Variants in ANKRD18B observed in about 807,000 individuals in gnomAD.
The protein encoded by ANKRD18B is ankyrin repeat domain 18B.
Under a neutral mutation model 111.8 loss-of-function variants are expected in ANKRD18B, and 75 were observed. The observed-to-expected ratio is 0.67, with a 90% confidence interval of 0.56 to 0.81. The LOEUF is 0.81. ANKRD18B is among the 40% of genes least tolerant of loss of function. ANKRD18B has a pLI of 0.00. For synonymous variants in ANKRD18B, 356 were observed against 417.3 expected, an observed-to-expected ratio of 0.85 and a Z score of 1.79; for missense variants, 1,038 against 1,225.5, an observed-to-expected ratio of 0.85 and a Z score of 2.28.
At chr9:33,540,755 G>A (rs1762518235) in intron 8 of ANKRD18B, among the ~76,000 whole-genome samples, 1 of 152,002 alleles carries the variant, frequency 6.6e-6, no homozygotes, top group South Asian at 2.1e-4. Context: ...AGGCCATGTG[G>A]TCTCTGTCGT....
intron 1 of ANKRD18B, among the ~76,000 whole-genome samples, chr9:33,525,194 A>G (rs542354706): frequency 1.4e-4 from 21 of 152,228 alleles, no homozygotes; most frequent in African/African-American, 5.1e-4. Flanking sequence ...TCAAGGTTTT[A>G]TCATTTTTGC....
At chr9:33,573,451 G>C (rs28714487), downstream of ANKRD18B, among the ~76,000 whole-genome samples, 2 of 140,858 alleles carry the variant, frequency 1.4e-5, no homozygotes, top group African/African-American at 2.6e-5. Flanking sequence ...GCAGCACAGG[G>C]TGTCTTGTCT....
In ANKRD18B at chr9:33,543,191, A is replaced by C; in HGVS notation, c.1085A>C (p.Asn362Thr). The part of the protein sequence containing the change: ...KKRKEGAKEH[N>T]LKVASEEKQE... Reference sequence around the variant, plus strand: ...CATATGGATTTGTCAGCAGAACACAACTTAAAAGTGGCTTCAGAGGAAAAG... The same window carrying C: ...CATATGGATTTGTCAGCAGAACACACCTTAAAAGTGGCTTCAGAGGAAAAG... The change falls in exon 10 of 19, where the codon AAC (asparagine) becomes ACC (threonine). Residue 362 changes from asparagine to threonine, a missense_variant. By Grantham distance (65) the Asn-to-Thr change is moderately conservative. Around this residue, in one of 4 missense-constraint regions of ANKRD18B, gnomAD observed 205 missense variants for 201.3 expected, o/e 1.02. Transcript: ENST00000684830. 1.9e-6 allele frequency: 3 copies of C among 1,552,106 alleles called. No homozygotes were observed. The highest frequency in any genetic ancestry group is 2.0e-5 in the Admixed American group (1 of 51,064).
At chr9:33,536,853 AT>A in intron 5 of ANKRD18B, 24 bp from the exon 6 acceptor site, 4 of 1,339,514 alleles carry the variant, frequency 3.0e-6, no homozygotes, top group South Asian at 2.9e-5. Flanking sequence ...TAAAATACTA[AT>A]TTTATTACAT....
At chr9:33,533,370 A>G in intron 3 of ANKRD18B, 69 bp from the exon 4 acceptor site, 2 of 1,502,126 alleles carry the variant, frequency 1.3e-6, no homozygotes, top group Non-Finnish European at 1.8e-6. Flanking sequence ...AGCATCTTAT[A>G]GAAGATTTTT....
In ANKRD18B at chr9:33,524,660, G is replaced by T. The variant is rs778635381; in HGVS notation, c.171G>T (p.Arg57Ser). ...AAEVEHCLTRRFRDLDVRDRK... is the reference protein window; with the variant it reads ...AAEVEHCLTRSFRDLDVRDRK... ...AGGTGGAGCACTGCCTGACGCGCAG[G>T]TTCCGGGACTTGGACGTCCGCGACA... is the stretch of plus-strand genomic sequence containing the variant. The change falls in exon 1 of 19, where the codon AGG becomes AGT. Residue 57 changes from arginine to serine, a missense_variant. Arg to Ser is a moderately radical substitution (Grantham distance 110). Transcript: ENST00000684830. The T allele has an allele frequency of 4.5e-6, 7 of 1,550,966 alleles. No individual in the cohort carries two copies. The African/African-American group carries it at 6.8e-5, about 15-fold the overall frequency.
chr9:33,554,972 C>T, intron 12 of ANKRD18B, among the ~76,000 whole-genome samples: 1 of 143,928 alleles, frequency 6.9e-6, no homozygotes, highest in East Asian at 2.0e-4. Flanking sequence ...CTAGGTTTTG[C>T]TCTAAAGAGC....
At position 33,567,282 on chromosome 9, in the gene ANKRD18B, A is replaced by G; in HGVS notation, c.2922A>G (p.Lys974=). 12 of 1,547,186 alleles carry G rather than the reference A, an allele frequency of 7.8e-6. No individual in the cohort carries two copies. Among genetic ancestry groups the G allele is most frequent in the Non-Finnish European group, 1.0e-5 (12 of 1,145,638 alleles). The change falls in exon 16 of 19, where the codon AAA becomes AAG. Residue 974 remains lysine, a synonymous_variant. Transcript: ENST00000684830. ...AGGAAGCCTTTGCAGTAGCATTGAA[A>G]GCTAACAGTTCCATGTCAGAAAAAA... ...EYKEAFAVAL[K]ANSSMSEKIT...
intron 14 of ANKRD18B, among the ~76,000 whole-genome samples, chr9:33,565,944 G>A (rs984261620): frequency 1.7e-4 from 26 of 152,032 alleles, no homozygotes; most frequent in Non-Finnish European, 3.5e-4. Flanking sequence ...CATTTAAGGA[G>A]GAACAAAAAT....
intron 10 of ANKRD18B, among the ~76,000 whole-genome samples, chr9:33,545,073 C>G (rs1828334471): frequency 6.6e-6 from 1 of 152,150 alleles, no homozygotes; most frequent in Non-Finnish European, 1.5e-5. Flanking sequence ...AGGAGCCCAT[C>G]TCACTCAGGT....
intron 9 of ANKRD18B, among the ~76,000 whole-genome samples, chr9:33,541,670 C>A (rs1401060646): frequency 6.6e-6 from 1 of 152,088 alleles, no homozygotes; most frequent in Non-Finnish European, 1.5e-5. Flanking sequence ...TATACTGTAG[C>A]CTGGGTGGCA....
At chr9:33,556,000 G>T (rs1215665255) in intron 13 of ANKRD18B, among the ~76,000 whole-genome samples, 180 bp downstream of exon 13, 1 of 152,014 alleles carries the variant, frequency 6.6e-6, no homozygotes, top group Admixed American at 6.6e-5. Flanking sequence ...GTGAGCAGGA[G>T]TCCATGACCC....
chr9:33,545,550 A>G (rs1326290756), intron 10 of ANKRD18B, among the ~76,000 whole-genome samples: 1 of 152,216 alleles, frequency 6.6e-6, no homozygotes, highest in Non-Finnish European at 1.5e-5. Flanking sequence ...GCTCTTCTAA[A>G]GCTTAGAAGG....
chr9:33,569,485 G>A (rs1404613020), intron 17 of ANKRD18B, among the ~76,000 whole-genome samples: 2 of 151,650 alleles, frequency 1.3e-5, no homozygotes, highest in Non-Finnish European at 1.5e-5. Context: ...GGCAGGTCTC[G>A]AACTGACCTT....
rs1237004582 is a variant in ANKRD18B, at chr9:33,548,169, C to T, written c.1381C>T (p.Gln461Ter). 1 of 1,543,736 alleles carries T rather than the reference C, an allele frequency of 6.5e-7. No homozygotes were observed. The highest frequency in any genetic ancestry group is 1.4e-5 in the African/African-American group (1 of 72,360). The change falls in exon 11 of 19, where the codon CAG becomes TAG. Residue 461 changes from glutamine (Q) to a stop codon, truncating the protein, a stop_gained. Coordinates refer to ENST00000684830, the MANE Select transcript of ANKRD18B (RefSeq NM_001393611.1). LOFTEE classifies it high-confidence loss of function. The part of the protein sequence containing the change: ...ITKKVAQYSQ[Q>*]LNDLKAENAR... Reference sequence around the variant, plus strand: ...AAAAAAAGTGGCCCAGTATTCGCAACAGCTTAATGATCTGAAAGCTGAGAA... The same window carrying T: ...AAAAAAAGTGGCCCAGTATTCGCAATAGCTTAATGATCTGAAAGCTGAGAA...
In ANKRD18B at chr9:33,560,109, A is replaced by G. The variant is rs373485200; in HGVS notation, c.2460+1922A>G. 6.4e-4 allele frequency among the ~76,000 whole-genome samples: 97 copies of G among 152,348 alleles called. 2 individuals are homozygous for G. The highest frequency in any genetic ancestry group is 2.3e-3 in the African/African-American group (96 of 41,580). ...ATGCTGCATCTGTGCTGTAGCAGGT[A>G]TTGATGCAGGGCTTTCACTCCTTAG... On this transcript the variant is annotated intron_variant, in intron 14 of 18. Transcript: ENST00000684830.
rs559204921 is a variant in ANKRD18B at position 33,564,110 on chromosome 9, C to T, written c.2461-2109C>T. 1.4e-3 allele frequency among the ~76,000 whole-genome samples: 220 copies of T among 152,172 alleles called. 2 individuals are homozygous for T. Among genetic ancestry groups the T allele is most frequent in the Non-Finnish European group, 2.7e-3 (181 of 68,040 alleles). Reference sequence around the variant, plus strand: ...CCTCCTGAGCAGCTAGGATTATGGGCGTGCACCATTGCACCTGTCTGATTT... The same window carrying T: ...CCTCCTGAGCAGCTAGGATTATGGGTGTGCACCATTGCACCTGTCTGATTT... On this transcript the variant is annotated intron_variant, in intron 14 of 18. Coordinates refer to ENST00000684830, the MANE Select transcript of ANKRD18B (RefSeq NM_001393611.1).
intron 14 of ANKRD18B, among the ~76,000 whole-genome samples, chr9:33,563,177 C>A (rs1466740005): frequency 1.3e-5 from 2 of 152,178 alleles, no homozygotes; most frequent in African/African-American, 4.8e-5. Flanking sequence ...TTAAAGGAGA[C>A]TCTTTTCTGC....
Position 33,548,317 on chromosome 9 carries a change from G to T in ANKRD18B, c.1529G>T (p.Arg510Ile), listed in dbSNP as rs1828393918. ...AINEYNEILERKDLELVLWRA... is the reference protein window; with the variant it reads ...AINEYNEILEIKDLELVLWRA... ...AATGAGTACAATGAAATTTTGGAAAGAAAAGACCTAGAACTAGTTTTATGG... is the reference window on the plus strand; with the variant it reads ...AATGAGTACAATGAAATTTTGGAAATAAAAGACCTAGAACTAGTTTTATGG... Residue 510 changes from arginine to isoleucine, a missense_variant, in exon 11 of 19, where the codon AGA (arginine) becomes ATA (isoleucine). Physicochemically the swap from Arg to Ile is moderately conservative, Grantham distance 97. Coordinates refer to ENST00000684830, the MANE Select transcript of ANKRD18B (RefSeq NM_001393611.1). 1 of 1,549,502 alleles carries T rather than the reference G, an allele frequency of 6.5e-7. No homozygotes were observed. Among genetic ancestry groups the T allele is most frequent in the Non-Finnish European group, 8.7e-7 (1 of 1,146,244 alleles).
Sources: gnomAD v4.1 joint callset for allele counts (sites outside exome capture counted in the v4.1 genomes callset) on GRCh38, gnomAD v4.1.1 for gene constraint, gnomAD v4.1.1 regional missense constraint, MANE v1.5 for transcripts, NCBI Gene and HGNC (gene_info 2026-07-23, HGNC 2026-07-21) for gene names.